Variants in TRIM2 observed in about 807,000 individuals in gnomAD.
The protein encoded by TRIM2 is tripartite motif-containing protein 2.
A neutral mutation model predicts 75.2 loss-of-function variants in TRIM2; 20 were observed. The observed-to-expected ratio is 0.27, with a 90% CI of 0.19 to 0.39. The LOEUF is 0.39. TRIM2 is among the 10% of genes least tolerant of loss of function. TRIM2 has a pLI of 1.00. For synonymous variants in TRIM2, 373 were observed against 388.3 expected (o/e 0.96, Z 0.46); for missense variants, 660 against 990.8 (o/e 0.67, Z 4.48).
chr4:153,265,272 C>T (rs900765639), intron 1 of TRIM2, among the ~76,000 whole-genome samples: 1 of 151,248 alleles, frequency 6.6e-6, no homozygotes, highest in Non-Finnish European at 1.5e-5. Flanking sequence ...AAAAGCTATT[C>T]AAAATAAAAT....
chr4:153,206,375 CTGTTT>C (rs1735438753), intron 1 of TRIM2, among the ~76,000 whole-genome samples: 1 of 152,310 alleles, frequency 6.6e-6, no homozygotes, highest in Admixed American at 6.5e-5. Context: ...CTTGGGGTCA[CTGTTT>C]TGTTAGCATA....
In TRIM2 at chr4:153,244,399, C is replaced by A. The variant is rs1349628581; in HGVS notation, c.31-25936C>A. 3.8e-5 allele frequency among the ~76,000 whole-genome samples: 3 copies of A among 78,142 alleles called. 1 individual carries two copies. The highest frequency in any genetic ancestry group is 2.6e-4 in the African/African-American group (3 of 11,684). 51.3% of individuals were successfully genotyped at this position (78,142 alleles called of 152,430 possible). A position where few individuals can be genotyped will look rare whatever the true frequency, so the allele number is the denominator to read the frequency against. Reference sequence around the variant, plus strand: ...TCTTCTTCTTCTTCTTCTTCTTCTTCTTCTTCTTCTTCTTCTTCTTCTTCT... The same window carrying A: ...TCTTCTTCTTCTTCTTCTTCTTCTTATTCTTCTTCTTCTTCTTCTTCTTCT... On this transcript the variant is annotated intron_variant, in intron 1 of 11. Transcript: ENST00000338700.
At chr4:153,175,410 A>G (rs1288129229) in intron 1 of TRIM2, among the ~76,000 whole-genome samples, 1 of 152,070 alleles carries the variant, frequency 6.6e-6, no homozygotes, top group Non-Finnish European at 1.5e-5. Flanking sequence ...ATCCTTGAGC[A>G]ATGCAAGAAC....
At chr4:153,226,462 C>CTTAGCA (rs751962923) in intron 1 of TRIM2, among the ~76,000 whole-genome samples, 2 of 152,200 alleles carry the variant, frequency 1.3e-5, no homozygotes, top group African/African-American at 2.4e-5. Context: ...ATGCTGACTT[C>CTTAGCA]TGGAACAAGG....
At chr4:153,159,149 A>G (rs1331483465) in intron 1 of TRIM2, among the ~76,000 whole-genome samples, 1 of 152,202 alleles carries the variant, frequency 6.6e-6, no homozygotes, top group Non-Finnish European at 1.5e-5. Flanking sequence ...ACAAAGACAT[A>G]AAACGGAACT....
intron 1 of TRIM2, among the ~76,000 whole-genome samples, chr4:153,186,173 G>A (rs1160217849): frequency 2.0e-5 from 3 of 152,140 alleles, no homozygotes; most frequent in African/African-American, 7.2e-5. Context: ...CATCAGCAGT[G>A]CCCAGGCTGA....
intron 6 of TRIM2, among the ~76,000 whole-genome samples, chr4:153,310,838 G>T (rs973984123): frequency 2.0e-5 from 3 of 152,176 alleles, no homozygotes; most frequent in African/African-American, 4.8e-5. Context: ...TATAAGCAAT[G>T]TTAGACAAAC....
rs190394577 is a variant in TRIM2 at position 153,236,641 on chromosome 4, A to G, written c.30+32081A>G. 2.1e-5 allele frequency among the ~76,000 whole-genome samples: 3 copies of G among 145,984 alleles called. No homozygotes were observed. The Admixed American group carries it at 2.1e-4, about 10-fold the overall frequency. ...TTGTTTTTTTATGGCAAGTTGTTTGAGTCTGAGGATTGTGTCTTTTTCTTT... is the reference window on the plus strand; with the variant it reads ...TTGTTTTTTTATGGCAAGTTGTTTGGGTCTGAGGATTGTGTCTTTTTCTTT... On this transcript the variant is annotated intron_variant, in intron 1 of 11. Coordinates refer to ENST00000338700, the MANE Select transcript of TRIM2 (RefSeq NM_015271.5).
intron 1 of TRIM2, among the ~76,000 whole-genome samples, chr4:153,182,439 C>T (rs903844289): frequency 5.3e-5 from 8 of 152,274 alleles, no homozygotes; most frequent in Middle Eastern, 3.4e-3. Context: ...CCCACTGACC[C>T]CACTTCTCAG....
chr4:153,321,990 G>A lies in TRIM2; in HGVS notation c.1783-658G>A, dbSNP rs114194465. 6.6e-3 allele frequency among the ~76,000 whole-genome samples: 1,006 copies of A among 152,308 alleles called. 14 individuals are homozygous for A. The highest frequency in any genetic ancestry group is 0.023 in the African/African-American group (949 of 41,552). Reference sequence around the variant, plus strand: ...GGTGTGTTTAAAGCAAGCAATGGAAGTAGGTCATTCTTCTGAGTCATAATC... The same window carrying A: ...GGTGTGTTTAAAGCAAGCAATGGAAATAGGTCATTCTTCTGAGTCATAATC... On this transcript the variant is annotated intron_variant, in intron 8 of 11. Coordinates refer to ENST00000338700, the MANE Select transcript of TRIM2 (RefSeq NM_015271.5).
intron 1 of TRIM2, among the ~76,000 whole-genome samples, chr4:153,158,031 G>T (rs1460658272): frequency 6.6e-6 from 1 of 152,222 alleles, no homozygotes; most frequent in Non-Finnish European, 1.5e-5. Flanking sequence ...GGTTTACACA[G>T]TCAGTTTGTG....
chr4:153,257,550 C>T, intron 1 of TRIM2: 1 of 1,289,678 alleles, frequency 7.8e-7, no homozygotes, highest in Admixed American at 2.3e-5. Context: ...CATGAACTGG[C>T]ACATCACTAC....
At chr4:153,285,465 C>T (rs1760390660) in intron 3 of TRIM2, among the ~76,000 whole-genome samples, 1 of 152,038 alleles carries the variant, frequency 6.6e-6, no homozygotes, top group Admixed American at 6.6e-5. Context: ...TTATTCCCAA[C>T]TATGTTATAT....
intron 1 of TRIM2, among the ~76,000 whole-genome samples, chr4:153,209,850 C>A (rs1045996891): frequency 1.3e-5 from 2 of 152,092 alleles, no homozygotes; most frequent in African/African-American, 4.8e-5. Flanking sequence ...TTAAGTATAT[C>A]CCACCAGAGA....
At chr4:153,302,334 C>T (rs1168150024) in intron 6 of TRIM2, among the ~76,000 whole-genome samples, 1 of 152,180 alleles carries the variant, frequency 6.6e-6, no homozygotes, top group African/African-American at 2.4e-5. Context: ...ATTTCTAGGG[C>T]ACCTAGTGCC....
At chr4:153,224,091 T>A (rs1250788100) in intron 1 of TRIM2, among the ~76,000 whole-genome samples, 1 of 152,166 alleles carries the variant, frequency 6.6e-6, no homozygotes, top group Non-Finnish European at 1.5e-5. Flanking sequence ...CCACGTGACC[T>A]TTCCTCTCAA....
chr4:153,192,698 G>A (rs1270431944), intron 1 of TRIM2, among the ~76,000 whole-genome samples: 1 of 151,682 alleles, frequency 6.6e-6, no homozygotes, highest in Non-Finnish European at 1.5e-5. Flanking sequence ...GCCCATCACA[G>A]TCAGCAGATC....
intron 11 of TRIM2, among the ~76,000 whole-genome samples, chr4:153,332,985 G>T (rs113380201): frequency 6.6e-6 from 1 of 152,166 alleles, no homozygotes; most frequent in Admixed American, 6.5e-5. Context: ...TCCCAGAGAA[G>T]TGAAAACTTA....
chr4:153,202,854 C>T (rs781501090), upstream of TRIM2, among the ~76,000 whole-genome samples: 6 of 152,094 alleles, frequency 3.9e-5, no homozygotes, highest in Middle Eastern at 3.4e-3. Context: ...CACCTGTAAT[C>T]CCAGCACTTT....
Sources: gnomAD v4.1 joint callset for allele counts (sites outside exome capture counted in the v4.1 genomes callset) on GRCh38, gnomAD v4.1.1 for gene constraint, MANE v1.5 for transcripts, NCBI Gene and HGNC (gene_info 2026-07-23, HGNC 2026-07-21) for gene names.